PTPRQ: variants seen among roughly 807,000 people sequenced by gnomAD.
PTPRQ encodes phosphatidylinositol phosphatase PTPRQ.
In PTPRQ, 199 loss-of-function variants were observed where a neutral mutation model predicts 246.0. That is an observed-to-expected ratio of 0.81 (90% CI 0.72 to 0.91). The LOEUF (loss-of-function observed/expected upper bound fraction) is 0.91. Ranked by LOEUF, PTPRQ falls within the 40% of genes least tolerant of loss-of-function variation. The pLI is 0.00. For missense variants in PTPRQ, 2,624 were observed against 2,528.4 expected (o/e 1.04, Z -0.81); for synonymous variants, 869 against 853.2 (o/e 1.02, Z -0.32).
At chr12:80,666,951 T>G (rs533881091) in intron 39 of PTPRQ, among the ~76,000 whole-genome samples, 7 of 152,118 alleles carry the variant, frequency 4.6e-5, no homozygotes, top group Admixed American at 3.9e-4. Context: ...TTTCACCTTT[T>G]AAACTCCCAT....
At chr12:80,667,032 C>T (rs1159419032) in intron 39 of PTPRQ, among the ~76,000 whole-genome samples, 1 of 151,986 alleles carries the variant, frequency 6.6e-6, no homozygotes, top group African/African-American at 2.4e-5. Context: ...CAGTGACTTT[C>T]TGTGTCATTC....
chr12:80,565,735 T>A (rs916602994), intron 25 of PTPRQ, among the ~76,000 whole-genome samples: 13 of 152,200 alleles, frequency 8.5e-5, no homozygotes, highest in Non-Finnish European at 1.9e-4. Context: ...TTTAAGAAAT[T>A]AATTTAGACC....
At chr12:80,480,193 C>G (rs1241805155) in intron 8 of PTPRQ, among the ~76,000 whole-genome samples, 1 of 152,128 alleles carries the variant, frequency 6.6e-6, no homozygotes, top group African/African-American at 2.4e-5. Context: ...ACAGTGCAAT[C>G]AAACTAGAAC....
intron 17 of PTPRQ, among the ~76,000 whole-genome samples, chr12:80,518,344 C>T (rs979183153): frequency 2.0e-5 from 3 of 152,004 alleles, no homozygotes; most frequent in African/African-American, 7.2e-5. Flanking sequence ...GTTCTTTTTC[C>T]TGTAGAGTTG....
At chr12:80,515,348 A>G (rs1209994823) in intron 17 of PTPRQ, among the ~76,000 whole-genome samples, 1 of 152,106 alleles carries the variant, frequency 6.6e-6, no homozygotes, top group Admixed American at 6.6e-5. Flanking sequence ...TAGTTCTCTC[A>G]TAATTCTCAG....
At chr12:80,609,855 T>C (rs1898481995) in intron 27 of PTPRQ, among the ~76,000 whole-genome samples, 1 of 150,678 alleles carries the variant, frequency 6.6e-6, no homozygotes, top group South Asian at 2.1e-4. Flanking sequence ...GTATATATTT[T>C]ATATCTATCA....
At chr12:80,624,611 G>GC (rs1899126405) in intron 33 of PTPRQ, among the ~76,000 whole-genome samples, 1 of 152,164 alleles carries the variant, frequency 6.6e-6, no homozygotes. Context: ...TAGCAAAGCA[G>GC]CCCAGCCATT....
chr12:80,486,383 C>G (rs1894276554), intron 9 of PTPRQ, among the ~76,000 whole-genome samples: 1 of 152,126 alleles, frequency 6.6e-6, no homozygotes, highest in South Asian at 2.1e-4. Context: ...AGACTCATTT[C>G]TGATATTTCT....
chr12:80,446,904 A>G (rs1293841967), intron 3 of PTPRQ, among the ~76,000 whole-genome samples: 2 of 151,958 alleles, frequency 1.3e-5, no homozygotes, highest in East Asian at 1.9e-4. Context: ...TTGTGATACA[A>G]TGATTTCTTT....
In PTPRQ at chr12:80,448,165, G is replaced by T. The variant is rs1008729000; in HGVS notation, c.390+2448G>T. Among the ~76,000 whole-genome samples, 25 of 151,934 alleles carry T rather than the reference G, an allele frequency of 1.6e-4. 1 individual carries two copies. The highest frequency in any genetic ancestry group is 1.6e-3 in the Admixed American group (25 of 15,220). Reference sequence around the variant, plus strand: ...TTTTGTGGCTATCGTAAATGGGATTGAATTCTTGATTTCATTCTCAGCCTG... The same window carrying T: ...TTTTGTGGCTATCGTAAATGGGATTTAATTCTTGATTTCATTCTCAGCCTG... On this transcript the variant is annotated intron_variant, in intron 3 of 44. Transcript: ENST00000644991.
rs1380170349 is a variant in PTPRQ, at chr12:80,496,376, T to C, written c.2117T>C (p.Ile706Thr). Residue 706 changes from isoleucine (I) to threonine (T), a missense_variant, in exon 14 of 45, where the codon ATA (isoleucine) becomes ACA (threonine). Physicochemically the swap from Ile to Thr is moderately conservative, Grantham distance 89. Coordinates refer to ENST00000644991, the MANE Select transcript of PTPRQ (RefSeq NM_001145026.2). Reference protein sequence around the residue: ...IIAYEVLYKNIDTLYMKNTST... With the variant: ...IIAYEVLYKNTDTLYMKNTST... ...GCTTATGAAGTGCTATATAAAAATA[T>C]AGATACTTTATATATGAAGAACACA... is the stretch of plus-strand genomic sequence containing the variant. 20 of 1,550,406 alleles carry C rather than the reference T, an allele frequency of 1.3e-5. No homozygotes were observed. Among genetic ancestry groups the C allele is most frequent in the African/African-American group, 4.1e-5 (3 of 72,982 alleles).
intron 26 of PTPRQ, among the ~76,000 whole-genome samples, chr12:80,599,124 C>T (rs1362269714): frequency 2.0e-5 from 3 of 151,906 alleles, no homozygotes; most frequent in African/African-American, 7.2e-5. Context: ...AGCATCAAGA[C>T]ACAGATGGAT....
intron 34 of PTPRQ, among the ~76,000 whole-genome samples, chr12:80,633,430 T>G (rs1899518544): frequency 6.6e-6 from 1 of 152,214 alleles, no homozygotes; most frequent in South Asian, 2.1e-4. Flanking sequence ...CTACTTCCCT[T>G]ATTATTTACA....
At chr12:80,502,899 T>C (rs904634098) in intron 14 of PTPRQ, among the ~76,000 whole-genome samples, 7 of 151,798 alleles carry the variant, frequency 4.6e-5, no homozygotes, top group Non-Finnish European at 1.0e-4. Context: ...GGGAACTGGA[T>C]AGATCATTTG....
intron 25 of PTPRQ, among the ~76,000 whole-genome samples, chr12:80,587,041 A>G (rs1897643829): frequency 6.6e-6 from 1 of 152,186 alleles, no homozygotes; most frequent in Non-Finnish European, 1.5e-5. Flanking sequence ...GACTATGTAC[A>G]ATACTTATTG....
At chr12:80,520,015 T>C (rs1469048519) in intron 17 of PTPRQ, among the ~76,000 whole-genome samples, 1 of 152,180 alleles carries the variant, frequency 6.6e-6, no homozygotes. Context: ...ATAGGTTAAG[T>C]GTGTGTTTTG....
At position 80,620,274 on chromosome 12, in the gene PTPRQ, G is replaced by T; in HGVS notation, c.5510G>T (p.Gly1837Val). The T allele has an allele frequency of 6.5e-7, 1 of 1,549,482 alleles. No homozygotes were observed. The highest frequency in any genetic ancestry group is 8.7e-7 in the Non-Finnish European group (1 of 1,145,540). ...PCTEGKTKFSGNEEIYIIGAD... is the reference protein window; with the variant it reads ...PCTEGKTKFSVNEEIYIIGAD... ...ACAGAAGGAAAGACAAAGTTTAGTG[G>T]CAATGAAGAAATCTACATCATAGGT... Residue 1837 changes from glycine to valine, a missense_variant, in exon 32 of 45, where the codon GGC (glycine) becomes GTC (valine). Coordinates refer to ENST00000644991, the MANE Select transcript of PTPRQ (RefSeq NM_001145026.2).
chr12:80,457,681 C>T (rs1340812689), intron 4 of PTPRQ, 37 bp downstream of exon 4: 1 of 399,664 alleles, frequency 2.5e-6, no homozygotes, highest in Admixed American at 4.4e-5. Flanking sequence ...TTGACTTAGT[C>T]ATGAGTTTGT....
intron 25 of PTPRQ, among the ~76,000 whole-genome samples, chr12:80,587,578 G>A (rs2121015982): frequency 6.6e-6 from 1 of 151,860 alleles, no homozygotes; most frequent in African/African-American, 2.4e-5. Context: ...CTCCAAGCAG[G>A]ACTACATGTT....
Sources: allele counts gnomAD v4.1 joint callset (sites outside exome capture counted in the v4.1 genomes callset), GRCh38; gene constraint gnomAD v4.1.1; transcripts MANE v1.5; gene names NCBI Gene and HGNC (gene_info 2026-07-23, HGNC 2026-07-21).